The following MAP2K2 variants were observed in gnomAD, a reference collection of about 807,000 sequenced individuals.
MAP2K2 encodes the protein mitogen-activated protein kinase kinase 2, also known as dual specificity mitogen-activated protein kinase kinase 2.
Under a neutral mutation model 43.7 loss-of-function variants are expected in MAP2K2, and 24 were observed. The ratio of observed to expected loss-of-function variants is 0.55; its 90% CI spans 0.40 to 0.77. MAP2K2 has a LOEUF of 0.77. Among genes scored for constraint, MAP2K2 ranks in the 30% least tolerant of loss-of-function variants. MAP2K2 has a pLI of 0.00. For synonymous variants in MAP2K2, 244 were observed against 239.7 expected, an observed-to-expected ratio of 1.02 and a Z score of -0.17; for missense variants, 470 against 566.8, an observed-to-expected ratio of 0.83 and a Z score of 1.73.
chr19:4,110,923 G>A (rs1247026421), intron 2 of MAP2K2, among the ~76,000 whole-genome samples: 3 of 152,300 alleles, frequency 2.0e-5, no homozygotes, highest in South Asian at 2.1e-4. Flanking sequence ...CCAACCCAGC[G>A]CAGCCCACCC....
rs935022455 is a variant in MAP2K2 at position 4,101,974 on chromosome 19, C to T, written c.528+402G>A. On this transcript the variant is annotated intron_variant, in intron 4 of 10. Transcript: ENST00000262948. This position sits in a 1 kb window ranked among gnomAD's most constrained non-coding sequence, Gnocchi z 6.3. ...CGGGCAGCAGAGACGCCCTTGGCCC[C>T]GGTGACATTTCTAACAGCAATGGTG... 4.6e-5 allele frequency among the ~76,000 whole-genome samples: 7 copies of T among 152,092 alleles called. No individual in the cohort carries two copies. Among genetic ancestry groups the T allele is most frequent in the South Asian group, 4.1e-4 (2 of 4,830 alleles).
intron 3 of MAP2K2, chr19:4,103,124 C>G (rs2041038795): frequency 1.0e-6 from 1 of 994,958 alleles, no homozygotes; most frequent in South Asian, 4.5e-5. Flanking sequence ...AGGAGGGATC[C>G]CAGTGACGCC....
At position 4,117,640 on chromosome 19, in the gene MAP2K2, C is replaced by A. The variant is rs2145081006; in HGVS notation, c.93-11G>T. 1.2e-6 allele frequency: 2 copies of A among 1,613,326 alleles called. No individual in the cohort carries two copies. The highest frequency in any genetic ancestry group is 1.7e-6 in the Non-Finnish European group (2 of 1,179,680). ...TCCACCAGGTTTGCCCTGCAGAGAC[C>A]CCCCAGGGTAGGGGTTAGCTACCTA... On this transcript the variant is annotated splice_polypyrimidine_tract_variant and intron_variant, in intron 1 of 10. Transcript: ENST00000262948.
chr19:4,094,367 C>A (rs2040884376), intron 10 of MAP2K2, 86 bp downstream of exon 10: 2 of 1,436,590 alleles, frequency 1.4e-6, no homozygotes, highest in South Asian at 2.4e-5. Context: ...GCTCCCCGGG[C>A]AGGGCCAGGC....
chr19:4,103,183 TCGCCACTGTGCCGG>T, intron 3 of MAP2K2: 1 of 989,670 alleles, frequency 1.0e-6, no homozygotes, highest in Non-Finnish European at 1.2e-6. Context: ...TGTGGTCTCC[TCGCCACTGTGCCGG>T]GCATCCTGCG....
intron 1 of MAP2K2, among the ~76,000 whole-genome samples, chr19:4,120,132 G>A (rs1407833027): frequency 6.6e-6 from 1 of 152,216 alleles, no homozygotes; most frequent in Non-Finnish European, 1.5e-5. Context: ...ACACCTGCCT[G>A]AGGTCAGGAC....
rs909545896 is a variant in MAP2K2, at chr19:4,115,708, C to T, written c.303+1711G>A. Among the ~76,000 whole-genome samples the T allele has an allele frequency of 6.6e-6, 1 of 152,184 alleles. No individual in the cohort carries two copies. The highest frequency in any genetic ancestry group is 1.5e-5 in the Non-Finnish European group (1 of 68,026). ...CCCGCAGGAGTTGAGCCGCTGCTCC[C>T]GAGGAAGGCAGGGCCCTCAAGCACT... On this transcript the variant is annotated intron_variant, in intron 2 of 10. Coordinates refer to ENST00000262948, the MANE Select transcript of MAP2K2 (RefSeq NM_030662.4). This position sits in a 1 kb window ranked among gnomAD's most constrained non-coding sequence, Gnocchi z 4.1.
rs112996316 is a variant in MAP2K2 at position 4,110,701 on chromosome 19, C to T, written c.304-46G>A. On this transcript the variant is annotated intron_variant, in intron 2 of 10. Coordinates refer to ENST00000262948, the MANE Select transcript of MAP2K2 (RefSeq NM_030662.4). ...GACTGGCTTGGGGGGTGCCCGAAAA[C>T]GGGATGAAGGCATTTGGGGCCTCTG... 4.5e-4 allele frequency: 722 copies of T among 1,593,336 alleles called. No individual in the cohort carries two copies. Among genetic ancestry groups the T allele is most frequent in the Non-Finnish European group, 4.1e-4 (477 of 1,171,116 alleles).
intron 3 of MAP2K2, among the ~76,000 whole-genome samples, chr19:4,107,810 G>T (rs1179935897): frequency 6.6e-6 from 1 of 152,194 alleles, no homozygotes. Context: ...CAGCAGCCAG[G>T]ACATGGATGC....
intron 7 of MAP2K2, among the ~76,000 whole-genome samples, chr19:4,098,457 C>G (rs2040952569): frequency 6.6e-6 from 1 of 152,144 alleles, no homozygotes; most frequent in Non-Finnish European, 1.5e-5. Context: ...CCACAGTCCG[C>G]TACAGGGTCC....
At chr19:4,120,281 C>CATGA (rs1400596169) in intron 1 of MAP2K2, among the ~76,000 whole-genome samples, 4 of 152,160 alleles carry the variant, frequency 2.6e-5, no homozygotes, top group Non-Finnish European at 5.9e-5. Context: ...AGGAGGGGAA[C>CATGA]ATGAATGAAT....
chr19:4,116,866 T>C (rs2041227935), intron 2 of MAP2K2, among the ~76,000 whole-genome samples: 2 of 151,428 alleles, frequency 1.3e-5, no homozygotes, highest in Admixed American at 1.3e-4. Flanking sequence ...GAGGCGGAGG[T>C]TGAAGTGAGC....
chr19:4,090,511 G>A lies in MAP2K2; in HGVS notation c.*87C>T. On this transcript the variant is annotated 3_prime_UTR_variant, in exon 11 of 11. Transcript: ENST00000262948. ...GGGTGAGGCAGGAGGGTGGGTGGAG[G>A]CGCCAGCCTGTCCTCAGCTGGAAGG... is the stretch of plus-strand genomic sequence containing the variant. The A allele has an allele frequency of 8.6e-7, 1 of 1,162,648 alleles. No homozygotes were observed. Among genetic ancestry groups the A allele is most frequent in the Admixed American group, 2.0e-5 (1 of 50,424 alleles). 72.0% of individuals were successfully genotyped at this position (1,162,648 alleles called of 1,614,324 possible). A position where few individuals can be genotyped will look rare whatever the true frequency, so the allele number is the denominator to read the frequency against.
At chr19:4,100,701 G>T (rs1050434253) in intron 6 of MAP2K2, 4 of 446,652 alleles carry the variant, frequency 9.0e-6, no homozygotes, top group Admixed American at 3.7e-5. Context: ...AGGGGAATCC[G>T]AAAAGCAGGC....
At chr19:4,100,574 G>A (rs1158703846) in intron 6 of MAP2K2, 1 of 198,296 alleles carries the variant, frequency 5.0e-6, no homozygotes, top group East Asian at 1.3e-4. Flanking sequence ...CCAGCACTTT[G>A]GGAGGCTGAG....
At chr19:4,104,291 C>T (rs1040593065) in intron 3 of MAP2K2, among the ~76,000 whole-genome samples, 1 of 145,628 alleles carries the variant, frequency 6.9e-6, no homozygotes, top group South Asian at 2.2e-4. Flanking sequence ...AAAAGCCGCA[C>T]GTGGTGGCGC....
chr19:4,108,918 TCCTCGC>T (rs1199888673), intron 3 of MAP2K2, among the ~76,000 whole-genome samples: 3 of 152,134 alleles, frequency 2.0e-5, no homozygotes, highest in African/African-American at 7.2e-5. Context: ...CCTCATCCTT[TCCTCGC>T]CCTTTGATGC....
At chr19:4,119,136 G>A (rs879442348) in intron 1 of MAP2K2, among the ~76,000 whole-genome samples, 9 of 152,190 alleles carry the variant, frequency 5.9e-5, no homozygotes, top group Admixed American at 5.9e-4. Flanking sequence ...CTGTCCTCAA[G>A]TGATCCTCCC....
At chr19:4,103,371 C>T (rs1247341934) in intron 3 of MAP2K2, 8 of 552,670 alleles carry the variant, frequency 1.4e-5, no homozygotes, top group Non-Finnish European at 1.8e-5. Context: ...CACTGGGAGC[C>T]ACCCAAGGTG....
Sources: gnomAD v4.1 joint callset for allele counts (sites outside exome capture counted in the v4.1 genomes callset) on GRCh38, gnomAD v4.1.1 for gene constraint, Gnocchi (gnomAD v3.1) non-coding constraint, MANE v1.5 for transcripts, NCBI Gene and HGNC (gene_info 2026-07-23, HGNC 2026-07-21) for gene names.